The following NEURL1 variants were observed in gnomAD, a reference collection of about 807,000 sequenced individuals.
NEURL1 encodes E3 ubiquitin-protein ligase NEURL1.
In NEURL1, 26 loss-of-function variants were observed where a neutral mutation model predicts 41.2. The observed-to-expected ratio is 0.63, with a 90% confidence interval of 0.46 to 0.87. The LOEUF is 0.87. NEURL1 is among the 40% of genes least tolerant of loss of function. The pLI, the probability that NEURL1 is intolerant of heterozygous loss-of-function variation, is 0.00. For missense variants in NEURL1, 761 were observed against 871.1 expected (o/e 0.87, Z 1.59); for synonymous variants, 400 against 402.3 (o/e 0.99, Z 0.07).
intron 1 of NEURL1, among the ~76,000 whole-genome samples, chr10:103,501,777 C>T (rs531876773): frequency 2.6e-5 from 4 of 152,056 alleles, no homozygotes; most frequent in East Asian, 3.9e-4. Flanking sequence ...GGACTACAGG[C>T]GCCTGCCACC....
intron 4 of NEURL1, among the ~76,000 whole-genome samples, chr10:103,587,720 G>C (rs916263983): frequency 4.1e-4 from 63 of 152,208 alleles, no homozygotes; most frequent in Non-Finnish European, 4.7e-4. Context: ...GAATATAATA[G>C]AGATGGCTTA....
intron 1 of NEURL1, among the ~76,000 whole-genome samples, chr10:103,527,777 C>G (rs1027132753): frequency 3.9e-5 from 6 of 152,142 alleles, no homozygotes; most frequent in African/African-American, 1.4e-4. Flanking sequence ...ATATTTCTCC[C>G]TCCATTTTAC....
At chr10:103,522,602 C>CAAAAAA (rs528719693) in intron 1 of NEURL1, among the ~76,000 whole-genome samples, 1 of 106,732 alleles carries the variant, frequency 9.4e-6, no homozygotes, top group Non-Finnish European at 1.9e-5. Flanking sequence ...AACTCCATTT[C>CAAAAAA]AAAAAAAAAA....
chr10:103,576,699 T>C (rs2035673536), intron 3 of NEURL1, among the ~76,000 whole-genome samples: 1 of 151,964 alleles, frequency 6.6e-6, no homozygotes, highest in Non-Finnish European at 1.5e-5. Context: ...TGGGGCTGGG[T>C]CCGGGAGGGT....
intron 1 of NEURL1, among the ~76,000 whole-genome samples, chr10:103,501,226 G>A (rs1023495139): frequency 6.6e-6 from 1 of 152,184 alleles, no homozygotes; most frequent in Non-Finnish European, 1.5e-5. Flanking sequence ...TGGGAGCCAT[G>A]GACAGCTTTT....
intron 1 of NEURL1, among the ~76,000 whole-genome samples, chr10:103,559,847 CACACACACACATGTACATGTACACAT>C (rs2035244489): frequency 7.1e-6 from 1 of 141,340 alleles, no homozygotes; most frequent in African/African-American, 2.6e-5. Context: ...CATATGTGCG[CACACACACACATGTACATGTACACAT>C]ACGCACACAC....
At chr10:103,523,788 T>C (rs2034405504) in intron 1 of NEURL1, among the ~76,000 whole-genome samples, 1 of 152,254 alleles carries the variant, frequency 6.6e-6, no homozygotes, top group South Asian at 2.1e-4. Context: ...ATTTTTTAAA[T>C]GGCTAAATAG....
chr10:103,513,215 C>G (rs1242712937), intron 1 of NEURL1, among the ~76,000 whole-genome samples: 1 of 152,230 alleles, frequency 6.6e-6, no homozygotes, highest in African/African-American at 2.4e-5. Context: ...TGGCCTCTCC[C>G]TTGCCCCAGT....
chr10:103,548,307 C>G (rs530138033), intron 1 of NEURL1, among the ~76,000 whole-genome samples: 2 of 151,786 alleles, frequency 1.3e-5, no homozygotes, highest in Non-Finnish European at 2.9e-5. Flanking sequence ...TCTATTTCTC[C>G]TCCTTGGGGT....
intron 1 of NEURL1, among the ~76,000 whole-genome samples, chr10:103,522,741 C>T (rs377255521): frequency 2.4e-4 from 37 of 151,988 alleles, no homozygotes; most frequent in African/African-American, 8.4e-4. Flanking sequence ...CCAAAACACA[C>T]GAATTTGCAT....
chr10:103,494,482 C>A lies in NEURL1; in HGVS notation c.85+10C>A. On this transcript the variant is annotated intron_variant, in intron 1 of 5. Coordinates refer to ENST00000369780, the MANE Select transcript of NEURL1 (RefSeq NM_004210.5). ...CCCCAGAACCTCAAAGGTAGGCTCC[C>A]CGGCCGAGCGCTGCTGGAGGACTGG... 6.5e-7 allele frequency: 1 copy of A among 1,549,888 alleles called. No individual in the cohort carries two copies. The highest frequency in any genetic ancestry group is 1.4e-5 in the African/African-American group (1 of 71,880).
rs1184280308 is a variant in NEURL1, at chr10:103,545,728, A to G, written c.86-25144A>G. ...CCAAGCCAAGCCCTCTGCTCCTGCA[A>G]GGGACTGCCACACCCTTTTTCTTTC... On this transcript the variant is annotated intron_variant, in intron 1 of 5. Transcript: ENST00000369780. This position sits in a 1 kb window ranked among gnomAD's most constrained non-coding sequence, Gnocchi z 4.5. Among the ~76,000 whole-genome samples, 4 of 152,224 alleles carry G rather than the reference A, an allele frequency of 2.6e-5. No homozygotes were observed. The highest frequency in any genetic ancestry group is 9.7e-5 in the African/African-American group (4 of 41,448).
At chr10:103,551,266 CT>C (rs988191134) in intron 1 of NEURL1, among the ~76,000 whole-genome samples, 8 of 149,128 alleles carry the variant, frequency 5.4e-5, no homozygotes, top group African/African-American at 2.0e-4. Flanking sequence ...TTTTCTCACC[CT>C]TTTAGTAACA....
At chr10:103,516,263 G>A (rs940625458) in intron 1 of NEURL1, among the ~76,000 whole-genome samples, 9 of 149,502 alleles carry the variant, frequency 6.0e-5, no homozygotes, top group African/African-American at 2.2e-4. Flanking sequence ...AAAAATAAAA[G>A]GTTGTGTTTG....
At chr10:103,539,793 T>C (rs1564815203) in intron 1 of NEURL1, among the ~76,000 whole-genome samples, 1 of 152,188 alleles carries the variant, frequency 6.6e-6, no homozygotes, top group Non-Finnish European at 1.5e-5. Context: ...TTCTGGTCAA[T>C]GAGATGCAAA....
intron 1 of NEURL1, among the ~76,000 whole-genome samples, chr10:103,502,857 GGA>G (rs1489328498): frequency 1.3e-5 from 2 of 152,244 alleles, no homozygotes; most frequent in Non-Finnish European, 2.9e-5. Context: ...TCTCATTCCT[GGA>G]CCTGCACACC....
chr10:103,580,804 T>G (rs577935236), intron 3 of NEURL1, among the ~76,000 whole-genome samples: 94 of 152,294 alleles, frequency 6.2e-4, no homozygotes, highest in African/African-American at 2.1e-3. Context: ...CTCCCAACTC[T>G]AGCAAGATTT....
intron 1 of NEURL1, among the ~76,000 whole-genome samples, chr10:103,497,582 AC>A (rs1302533243): frequency 2.0e-5 from 3 of 152,202 alleles, no homozygotes; most frequent in Non-Finnish European, 4.4e-5. Context: ...ATGGGACCCC[AC>A]CATCGCCTCT....
chr10:103,554,647 T>C (rs977678572), intron 1 of NEURL1, among the ~76,000 whole-genome samples: 4 of 152,186 alleles, frequency 2.6e-5, no homozygotes, highest in Non-Finnish European at 5.9e-5. Flanking sequence ...ATGGTACCTG[T>C]TGATCTGTTG....
Sources: allele counts gnomAD v4.1 joint callset (sites outside exome capture counted in the v4.1 genomes callset), GRCh38; gene constraint gnomAD v4.1.1; non-coding constraint Gnocchi (gnomAD v3.1); transcripts MANE v1.5; gene names NCBI Gene and HGNC (gene_info 2026-07-23, HGNC 2026-07-21).